PRPSAP2: variants seen among roughly 807,000 people sequenced by gnomAD.
PRPSAP2 encodes phosphoribosyl pyrophosphate synthetase associated protein 2, also known as phosphoribosyl pyrophosphate synthase-associated protein 2.
A neutral mutation model predicts 40.6 loss-of-function variants in PRPSAP2; 24 were observed. The ratio of observed to expected loss-of-function variants is 0.59; its 90% CI spans 0.43 to 0.83. PRPSAP2 has a LOEUF of 0.83. Ranked by LOEUF, PRPSAP2 falls within the 40% of genes least tolerant of loss-of-function variation. The pLI is 0.00. For missense variants in PRPSAP2, 292 were observed against 465.6 expected (o/e 0.63, Z 3.43); for synonymous variants, 149 against 164.7 (o/e 0.90, Z 0.73).
At position 18,890,143 on chromosome 17, in the gene PRPSAP2, T is replaced by A. The variant is rs149241344; in HGVS notation, c.584+266T>A. On this transcript the variant is annotated intron_variant, in intron 8 of 11. Transcript: ENST00000268835. Reference sequence around the variant, plus strand: ...TCTTCCACTTACACTTTCTTTTATTTTTATTATTATTATTATTTATTTTAT... The same window carrying A: ...TCTTCCACTTACACTTTCTTTTATTATTATTATTATTATTATTTATTTTAT... Among the ~76,000 whole-genome samples the A allele has an allele frequency of 7.6e-3, 1,148 of 151,148 alleles. 15 individuals are homozygous for A. The highest frequency in any genetic ancestry group is 0.025 in the African/African-American group (1,038 of 41,444).
intron 8 of PRPSAP2, among the ~76,000 whole-genome samples, chr17:18,907,908 C>CGGCA (rs1232909367): frequency 1.3e-5 from 2 of 152,046 alleles, no homozygotes; most frequent in East Asian, 3.9e-4. Context: ...ATGCCAAGGC[C>CGGCA]GGCAGATTAC....
intron 6 of PRPSAP2, among the ~76,000 whole-genome samples, chr17:18,878,222 T>G (rs2038445045): frequency 1.3e-5 from 2 of 152,146 alleles, no homozygotes; most frequent in South Asian, 4.1e-4. Flanking sequence ...TGCTGGAGTT[T>G]TATTTTTACC....
Position 18,900,467 on chromosome 17 carries a change from T to A in PRPSAP2, c.584+10590T>A, listed in dbSNP as rs1186630422. On this transcript the variant is annotated intron_variant, in intron 8 of 11. Coordinates refer to ENST00000268835, the MANE Select transcript of PRPSAP2 (RefSeq NM_002767.4). Reference sequence around the variant, plus strand: ...AAATCTTTGTTATACAGTTTCAGCATGTCTGTCATCTTGGTGTTGGCATCT... The same window carrying A: ...AAATCTTTGTTATACAGTTTCAGCAAGTCTGTCATCTTGGTGTTGGCATCT... 2.0e-5 allele frequency among the ~76,000 whole-genome samples: 3 copies of A among 152,242 alleles called. No individual in the cohort carries two copies. The East Asian group carries it at 5.8e-4, about 29-fold the overall frequency.
intron 4 of PRPSAP2, among the ~76,000 whole-genome samples, chr17:18,871,413 C>A (rs979039537): frequency 6.6e-6 from 1 of 152,080 alleles, no homozygotes; most frequent in Non-Finnish European, 1.5e-5. Context: ...TCTCTTTAGT[C>A]TCTTCTATTT....
intron 7 of PRPSAP2, among the ~76,000 whole-genome samples, chr17:18,889,567 A>G (rs1191689884): frequency 6.6e-6 from 1 of 152,216 alleles, no homozygotes; most frequent in Non-Finnish European, 1.5e-5. Context: ...TTTACACTGC[A>G]TCATTAGTAT....
At chr17:18,861,252 CTTGGG>C (rs1235554554) in intron 1 of PRPSAP2, among the ~76,000 whole-genome samples, 1 of 151,942 alleles carries the variant, frequency 6.6e-6, no homozygotes, top group African/African-American at 2.4e-5. Flanking sequence ...ATTACCTGAG[CTTGGG>C]AGTTTGAGAC....
At chr17:18,905,319 C>T (rs1457810697) in intron 8 of PRPSAP2, among the ~76,000 whole-genome samples, 1 of 152,114 alleles carries the variant, frequency 6.6e-6, no homozygotes, top group African/African-American at 2.4e-5. Flanking sequence ...AGCCACCGCA[C>T]CCGGCCATGA....
At chr17:18,899,776 C>G (rs928255228) in intron 8 of PRPSAP2, among the ~76,000 whole-genome samples, 1 of 152,042 alleles carries the variant, frequency 6.6e-6, no homozygotes, top group African/African-American at 2.4e-5. Context: ...CTCAAGTGAT[C>G]TGCCCACCTC....
At chr17:18,892,023 A>G (rs1252678255) in intron 8 of PRPSAP2, among the ~76,000 whole-genome samples, 4 of 152,090 alleles carry the variant, frequency 2.6e-5, no homozygotes, top group African/African-American at 9.7e-5. Flanking sequence ...CACCTGGGTA[A>G]TTTTTGTATT....
intron 4 of PRPSAP2, among the ~76,000 whole-genome samples, chr17:18,869,341 C>CTT (rs545524445): frequency 8.4e-4 from 118 of 140,384 alleles, no homozygotes; most frequent in Non-Finnish European, 1.0e-3. Context: ...CTTTTCTTTT[C>CTT]TTTTTTTTTT....
intron 7 of PRPSAP2, among the ~76,000 whole-genome samples, chr17:18,888,917 T>C (rs990149096): frequency 6.6e-6 from 1 of 152,268 alleles, no homozygotes; most frequent in Non-Finnish European, 1.5e-5. Context: ...GACTTGTTTT[T>C]GTTAGAGTCC....
At chr17:18,908,528 C>T (rs1294369922) in intron 8 of PRPSAP2, 9 of 755,350 alleles carry the variant, frequency 1.2e-5, no homozygotes, top group Non-Finnish European at 2.2e-5. Flanking sequence ...GACCATCTGC[C>T]TCCTCATGCG....
chr17:18,898,115 C>T (rs1451690016), intron 8 of PRPSAP2, among the ~76,000 whole-genome samples: 2 of 148,638 alleles, frequency 1.3e-5, no homozygotes, highest in Non-Finnish European at 3.0e-5. Flanking sequence ...TCTCCTGTCT[C>T]AGCCTCCCAA....
intron 6 of PRPSAP2, among the ~76,000 whole-genome samples, chr17:18,881,656 G>A (rs2038752581): frequency 6.6e-6 from 1 of 151,364 alleles, no homozygotes; most frequent in Admixed American, 6.6e-5. Context: ...TCCCACCTTA[G>A]CCTCCTGAGT....
At chr17:18,925,082 T>C (rs970909094) in intron 10 of PRPSAP2, among the ~76,000 whole-genome samples, 1 of 151,976 alleles carries the variant, frequency 6.6e-6, no homozygotes, top group Non-Finnish European at 1.5e-5. Context: ...ATTGTGCCAC[T>C]GCACTCTAGC....
chr17:18,895,601 T>C (rs994223387), intron 8 of PRPSAP2, among the ~76,000 whole-genome samples: 2 of 151,678 alleles, frequency 1.3e-5, no homozygotes, highest in Admixed American at 6.6e-5. Flanking sequence ...AAAAAACTTA[T>C]TACTTTATTA....
At chr17:18,860,642 AG>A (rs2036938748) in intron 1 of PRPSAP2, 1 of 152,246 alleles carries the variant, frequency 6.6e-6, no homozygotes, top group African/African-American at 2.4e-5. Flanking sequence ...AGTAGCTGGA[AG>A]GCAAACCCAA....
chr17:18,873,705 A>G (rs1175875391), intron 5 of PRPSAP2, among the ~76,000 whole-genome samples: 1 of 152,098 alleles, frequency 6.6e-6, no homozygotes, highest in Non-Finnish European at 1.5e-5. Context: ...TTACTGTTTT[A>G]TTACATAAAT....
At chr17:18,893,806 A>C (rs1466781198) in intron 8 of PRPSAP2, among the ~76,000 whole-genome samples, 3 of 151,960 alleles carry the variant, frequency 2.0e-5, no homozygotes, top group Admixed American at 6.6e-5. Context: ...AGTGATCTTG[A>C]CCTCAAATGA....
Sources: allele counts gnomAD v4.1 joint callset (sites outside exome capture counted in the v4.1 genomes callset), GRCh38; gene constraint gnomAD v4.1.1; transcripts MANE v1.5; gene names NCBI Gene and HGNC (gene_info 2026-07-23, HGNC 2026-07-21).